The following ANO2 variants were observed in gnomAD, a reference collection of about 807,000 sequenced individuals.
ANO2 encodes anoctamin-2.
ANO2 carries 101 observed loss-of-function variants against 124.2 expected under a neutral mutation model. That is an observed-to-expected ratio of 0.81 (90% CI 0.69 to 0.96). ANO2 has a LOEUF of 0.96. ANO2 is among the 40% of genes least tolerant of loss of function. The pLI is 0.00. For missense variants in ANO2, 1,293 were observed against 1,274.5 expected, an observed-to-expected ratio of 1.01 and a Z score of -0.22; for synonymous variants, 486 against 482.5, an observed-to-expected ratio of 1.01 and a Z score of -0.09.
At chr12:5,852,115 C>T (rs1051685333) in intron 4 of ANO2, among the ~76,000 whole-genome samples, 7 of 152,092 alleles carry the variant, frequency 4.6e-5, no homozygotes, top group Non-Finnish European at 8.8e-5. Flanking sequence ...ATAGGGTTGG[C>T]CAAAACAGGA....
chr12:5,717,126 G>C (rs1054522859), intron 14 of ANO2, among the ~76,000 whole-genome samples: 3 of 152,362 alleles, frequency 2.0e-5, no homozygotes, highest in Admixed American at 1.3e-4. Flanking sequence ...TTCAGCTCAG[G>C]CTGTGCTGCA....
intron 3 of ANO2, among the ~76,000 whole-genome samples, chr12:5,891,384 T>C (rs1939385426): frequency 6.6e-6 from 1 of 152,180 alleles, no homozygotes; most frequent in Non-Finnish European, 1.5e-5. Flanking sequence ...GTTGCTTTTT[T>C]CTCTGTGTGC....
chr12:5,923,274 ACACACG>A (rs1410509551), intron 1 of ANO2, among the ~76,000 whole-genome samples: 3 of 130,204 alleles, frequency 2.3e-5, no homozygotes, highest in Non-Finnish European at 5.2e-5. Context: ...ACACACACAC[ACACACG>A]CACACACACA....
At chr12:5,785,180 A>G (rs1952505763) in intron 10 of ANO2, among the ~76,000 whole-genome samples, 1 of 152,160 alleles carries the variant, frequency 6.6e-6, no homozygotes, top group South Asian at 2.1e-4. Context: ...AAGTGAATGG[A>G]AAGAGAGTAG....
At chr12:5,680,794 A>C (rs1565560222) in intron 14 of ANO2, among the ~76,000 whole-genome samples, 1 of 152,230 alleles carries the variant, frequency 6.6e-6, no homozygotes, top group African/African-American at 2.4e-5. Context: ...AGGGAACAAT[A>C]AGAATCAGAT....
At chr12:5,756,080 A>C (rs1951572466) in intron 10 of ANO2, among the ~76,000 whole-genome samples, 1 of 151,896 alleles carries the variant, frequency 6.6e-6, no homozygotes, top group Admixed American at 6.6e-5. Context: ...CGACTGGATA[A>C]TTTCAAATGA....
intron 3 of ANO2, among the ~76,000 whole-genome samples, chr12:5,877,812 A>G (rs1938211948): frequency 6.6e-6 from 1 of 152,196 alleles, no homozygotes; most frequent in Admixed American, 6.5e-5. Context: ...CACAACCTAG[A>G]TTCCTAGCAT....
intron 17 of ANO2, among the ~76,000 whole-genome samples, chr12:5,614,021 A>G (rs1008875407): frequency 6.6e-6 from 1 of 152,244 alleles, no homozygotes; most frequent in African/African-American, 2.4e-5. Context: ...GTAAGAAATT[A>G]TCAAGTGTGG....
In ANO2 at chr12:5,830,437, T is replaced by C. The variant is rs1286055170; in HGVS notation, c.838A>G (p.Ile280Val). ...TFFDNATRSRIVHEILKRTAC... is the reference protein window; with the variant it reads ...TFFDNATRSRVVHEILKRTAC... ...ACACAGTACATCCATTTACTTACAATGCGGCTGCGGGTGGCATTATCAAAG... is the reference window on the plus strand; with the variant it reads ...ACACAGTACATCCATTTACTTACAACGCGGCTGCGGGTGGCATTATCAAAG... The change falls in exon 6 of 25, where the codon ATT becomes GTT. Residue 280 changes from isoleucine to valine, a missense_variant and splice_region_variant. Ile to Val is a conservative substitution (Grantham distance 29). Transcript: ENST00000682330. The C allele has an allele frequency of 2.2e-5, 36 of 1,612,802 alleles. No individual in the cohort carries two copies. Among genetic ancestry groups the C allele is most frequent in the Non-Finnish European group, 2.8e-5 (33 of 1,179,478 alleles).
intron 10 of ANO2, among the ~76,000 whole-genome samples, chr12:5,754,741 A>G (rs1482836239): frequency 6.6e-6 from 1 of 152,072 alleles, no homozygotes; most frequent in Non-Finnish European, 1.5e-5. Context: ...ATTGTTCATA[A>G]TAATTCCTTT....
chr12:5,739,966 T>C (rs1181837302), intron 12 of ANO2: 1 of 455,992 alleles, frequency 2.2e-6, no homozygotes, highest in African/African-American at 2.0e-5. Flanking sequence ...GAATAATCTC[T>C]GTAAAGTAGT....
chr12:5,604,235 G>A (rs980953039), intron 19 of ANO2, among the ~76,000 whole-genome samples: 6 of 152,156 alleles, frequency 3.9e-5, no homozygotes, highest in African/African-American at 1.4e-4. Context: ...TGGTGGTGCC[G>A]ATGGCTACGA....
At chr12:5,917,514 T>A (rs1941448941) in intron 3 of ANO2, among the ~76,000 whole-genome samples, 1 of 152,112 alleles carries the variant, frequency 6.6e-6, no homozygotes, top group South Asian at 2.1e-4. Flanking sequence ...CCTTGTTTCA[T>A]CTTCATAATA....
At chr12:5,840,699 C>A (rs144268903) in intron 4 of ANO2, among the ~76,000 whole-genome samples, 10 of 152,318 alleles carry the variant, frequency 6.6e-5, no homozygotes, top group African/African-American at 2.4e-4. Context: ...CAGGAAAGGT[C>A]ACCCAGGAGG....
At chr12:5,695,219 G>A (rs1179668417) in intron 14 of ANO2, among the ~76,000 whole-genome samples, 1 of 151,970 alleles carries the variant, frequency 6.6e-6, no homozygotes, top group Non-Finnish European at 1.5e-5. Context: ...ATACCGAATT[G>A]GCCTCAACAG....
intron 15 of ANO2, among the ~76,000 whole-genome samples, chr12:5,642,970 T>C (rs1471676904): frequency 6.6e-6 from 1 of 152,204 alleles, no homozygotes; most frequent in East Asian, 1.9e-4. Context: ...TGATAAAATG[T>C]CATCTTAATG....
rs202155541 is a variant in ANO2 at position 5,739,343 on chromosome 12, C to T, written c.1408G>A (p.Asp470Asn). ...RLQMRLGYFW[D>N]LTGIEEEEEH... ...TCTTCCTCTTCTATGCCAGTCAGGTCCCAAAAGTAGCCCAGTCGCATCTGT... is the reference window on the plus strand; with the variant it reads ...TCTTCCTCTTCTATGCCAGTCAGGTTCCAAAAGTAGCCCAGTCGCATCTGT... Residue 470 changes from aspartate (D) to asparagine (N), a missense_variant, in exon 13 of 25, where the codon GAC becomes AAC. Coordinates refer to ENST00000682330, the MANE Select transcript of ANO2 (RefSeq NM_001364791.2). 51 of 1,606,792 alleles carry T rather than the reference C, an allele frequency of 3.2e-5. No homozygotes were observed. In the African/African-American group the frequency reaches 6.3e-4, roughly 20 times the overall value.
chr12:5,615,699 C>T (rs968617232), intron 16 of ANO2, among the ~76,000 whole-genome samples: 1 of 152,060 alleles, frequency 6.6e-6, no homozygotes, highest in African/African-American at 2.4e-5. Context: ...GGTCCCTGGT[C>T]AAAAAGCTTA....
rs967747911 is a variant in ANO2, at chr12:5,861,516, C to T, written c.535-7375G>A. On this transcript the variant is annotated intron_variant, in intron 3 of 24. Coordinates refer to ENST00000682330, the MANE Select transcript of ANO2 (RefSeq NM_001364791.2). Reference sequence around the variant, plus strand: ...CTCTCTCTAGAGAGACAATAGTGAGCGGGAGGCAGCCCCAGCCAAACACTG... The same window carrying T: ...CTCTCTCTAGAGAGACAATAGTGAGTGGGAGGCAGCCCCAGCCAAACACTG... Among the ~76,000 whole-genome samples, 28 of 152,122 alleles carry T rather than the reference C, an allele frequency of 1.8e-4. 2 individuals carry two copies. The highest frequency in any genetic ancestry group is 2.2e-4 in the African/African-American group (9 of 41,420).
Sources: gnomAD v4.1 joint callset for allele counts (sites outside exome capture counted in the v4.1 genomes callset) on GRCh38, gnomAD v4.1.1 for gene constraint, MANE v1.5 for transcripts, NCBI Gene and HGNC (gene_info 2026-07-23, HGNC 2026-07-21) for gene names.